BRWD1: variants seen among roughly 807,000 people sequenced by gnomAD.
BRWD1 encodes the protein bromodomain and WD repeat-containing protein 1.
In BRWD1, 82 loss-of-function variants were observed where a neutral mutation model predicts 251.2. The ratio of observed to expected loss-of-function variants is 0.33; its 90% CI spans 0.27 to 0.39. The LOEUF (loss-of-function observed/expected upper bound fraction) is 0.39. Ranked by LOEUF, BRWD1 falls within the 10% of genes least tolerant of loss-of-function variation. The probability of loss-of-function intolerance (pLI) is 1.00; values close to 1 mark genes in which losing one functional copy is unlikely to be tolerated. For missense variants in BRWD1, 2,233 were observed against 2,711.6 expected (o/e 0.82, Z 3.92); for synonymous variants, 918 against 902.8 (o/e 1.02, Z -0.30).
At position 39,196,397 on chromosome 21, in the gene BRWD1, G is replaced by A. The variant is rs368229674; in HGVS notation, c.6672C>T (p.Asp2224=). ...SVDDNDWEDL[D]YAKSKRVLRR... is the part of the protein sequence containing the mutation. ...GAAGAACTCTTTTAGATTTTGCATA[G>A]TCCAAATCCTCCCAGTCATTATCAT... is the stretch of plus-strand genomic sequence containing the variant. The change falls in exon 41 of 41, where the codon GAC becomes GAT. Residue 2224 remains aspartate, a synonymous_variant. Transcript: ENST00000342449. 2 of 1,613,740 alleles carry A rather than the reference G, an allele frequency of 1.2e-6. No individual in the cohort carries two copies. The highest frequency in any genetic ancestry group is 1.7e-6 in the Non-Finnish European group (2 of 1,179,740).
intron 21 of BRWD1, among the ~76,000 whole-genome samples, chr21:39,241,669 T>A (rs2034008644): frequency 6.6e-6 from 1 of 152,110 alleles, no homozygotes; most frequent in South Asian, 2.1e-4. Context: ...ATAATATGTA[T>A]ACACAGGCAT....
At position 39,191,529 on chromosome 21, in the gene BRWD1, T is replaced by G; in HGVS notation, c.*4730A>C. 2.0e-6 allele frequency: 2 copies of G among 980,740 alleles called. No individual in the cohort carries two copies. The highest frequency in any genetic ancestry group is 2.4e-6 in the Non-Finnish European group (2 of 825,740). The allele number at this position is 980,740 out of a possible 1,614,324, so 60.8% of individuals were successfully genotyped here. ...AGAACATTAACGATCTTATGTGAAG[T>G]GGAAAACTAAAGATCTGCTTGACAG... On this transcript the variant is annotated 3_prime_UTR_variant, in exon 41 of 41. Transcript: ENST00000342449.
At chr21:39,282,174 C>T (rs1346351766) in intron 8 of BRWD1, among the ~76,000 whole-genome samples, 2 of 152,034 alleles carry the variant, frequency 1.3e-5, no homozygotes, top group Non-Finnish European at 2.9e-5. Flanking sequence ...ACCCAGGAGG[C>T]TGAGGTTGCA....
intron 36 of BRWD1, among the ~76,000 whole-genome samples, chr21:39,207,080 GA>G (rs2032428058): frequency 6.6e-6 from 1 of 152,158 alleles, no homozygotes; most frequent in Admixed American, 6.5e-5. Context: ...AAATGAATGT[GA>G]AATTTGTTAT....
At chr21:39,220,611 A>G (rs2146523868) in intron 29 of BRWD1, among the ~76,000 whole-genome samples, 1 of 152,340 alleles carries the variant, frequency 6.6e-6, no homozygotes, top group East Asian at 1.9e-4. Flanking sequence ...ATTAGGAAAT[A>G]CCCATAATGA....
chr21:39,315,153 C>G (rs535307738), upstream of BRWD1, among the ~76,000 whole-genome samples: 1 of 151,994 alleles, frequency 6.6e-6, no homozygotes, highest in Non-Finnish European at 1.5e-5. Flanking sequence ...AGCGCCACCA[C>G]GTCCGGCTAA....
chr21:39,253,986 G>A (rs1417386234), intron 19 of BRWD1, among the ~76,000 whole-genome samples: 1 of 152,162 alleles, frequency 6.6e-6, no homozygotes, highest in Non-Finnish European at 1.5e-5. Flanking sequence ...CATTTCTTAG[G>A]CTGGGCGTAG....
At chr21:39,280,287 T>C in intron 8 of BRWD1, 39 bp from the exon 9 acceptor site, 2 of 1,473,658 alleles carry the variant, frequency 1.4e-6, no homozygotes, top group South Asian at 1.2e-5. Context: ...TTCCAGAACT[T>C]CTACTTAAGT....
chr21:39,205,994 C>T, intron 37 of BRWD1, 114 bp downstream of exon 37: 1 of 1,039,736 alleles, frequency 9.6e-7, no homozygotes. Flanking sequence ...GCAGGAAAAT[C>T]ACTTGAACCC....
chr21:39,282,470 T>C (rs1213277670), intron 8 of BRWD1, among the ~76,000 whole-genome samples: 1 of 152,184 alleles, frequency 6.6e-6, no homozygotes, highest in African/African-American at 2.4e-5. Flanking sequence ...AGTAGTATAA[T>C]TAAAGTTATA....
chr21:39,210,569 G>A (rs1453067165), intron 35 of BRWD1, among the ~76,000 whole-genome samples: 1 of 152,222 alleles, frequency 6.6e-6, no homozygotes, highest in East Asian at 1.9e-4. Context: ...ATGTAATACT[G>A]ATTATCTAAG....
In BRWD1 at chr21:39,208,978, C is replaced by CAA. The variant is rs11401609; in HGVS notation, c.4197+1015_4197+1016dup. 6.6e-3 allele frequency among the ~76,000 whole-genome samples: 892 copies of CAA among 136,020 alleles called. 4 individuals carry two copies. The highest frequency in any genetic ancestry group is 0.012 in the African/African-American group (445 of 36,252). The allele number at this position is 136,020 out of a possible 152,430, so 89.2% of individuals were successfully genotyped here. ...AAAAATTCTTAAGTTTACAAAATGA[C>CAA]AAAAAAAAAAAAAGAAAGAAAGAAA... is the stretch of plus-strand genomic sequence containing the variant. On this transcript the variant is annotated intron_variant, in intron 36 of 40. Coordinates refer to ENST00000342449, the MANE Select transcript of BRWD1 (RefSeq NM_033656.4).
intron 2 of BRWD1, 50 bp downstream of exon 2, chr21:39,313,191 G>A (rs1370442076): frequency 6.0e-6 from 9 of 1,508,842 alleles, no homozygotes; most frequent in African/African-American, 5.8e-5. Flanking sequence ...CCCCGGCGGC[G>A]GGGACACTGG....
At chr21:39,305,857 T>C (rs12483559) in intron 4 of BRWD1, among the ~76,000 whole-genome samples, 70,906 of 131,838 alleles carry the variant, frequency 0.54, 17,554 homozygotes, top group Admixed American at 0.6. Flanking sequence ...TGCAAGACTG[T>C]CTCAAAAAGA....
chr21:39,282,946 C>T (rs1438250151), intron 8 of BRWD1, among the ~76,000 whole-genome samples: 3 of 133,706 alleles, frequency 2.2e-5, no homozygotes, highest in African/African-American at 5.8e-5. Flanking sequence ...GCAACAAGAG[C>T]GGAACTCCGT....
In BRWD1 at chr21:39,198,772, A is replaced by C; in HGVS notation, c.5644T>G (p.Phe1882Val). ...DDDKIEKPNN[F>V]MKDSASQDNG... The stretch of plus-strand genomic sequence containing the variant: ...AAATGTTTTGAATTACCTTTCATAA[A>C]ATTGTTTGGTTTTTCTATTTTGTCA... Residue 1882 changes from phenylalanine to valine, a missense_variant, in exon 40 of 41, where the codon TTT (phenylalanine) becomes GTT (valine). Around this residue, in one of 12 missense-constraint regions of BRWD1, gnomAD observed 928 missense variants for 970.0 expected, o/e 0.96. Transcript: ENST00000342449. 6.3e-7 allele frequency: 1 copy of C among 1,583,584 alleles called. No homozygotes were observed. Among genetic ancestry groups the C allele is most frequent in the Non-Finnish European group, 8.6e-7 (1 of 1,165,122 alleles).
chr21:39,272,495 C>T (rs1451787344), intron 13 of BRWD1, among the ~76,000 whole-genome samples: 1 of 151,334 alleles, frequency 6.6e-6, no homozygotes, highest in Non-Finnish European at 1.5e-5. Flanking sequence ...CCACTGCACT[C>T]CAGCCTGGGC....
rs1472194036 is a variant in BRWD1 at position 39,186,226 on chromosome 21, A to G, written c.*10033T>C. The G allele has an allele frequency of 6.6e-6, 1 of 152,178 alleles. No homozygotes were observed. The highest frequency in any genetic ancestry group is 6.5e-5 in the Admixed American group (1 of 15,288). The allele number at this position is 152,178 out of a possible 1,614,324, so 9.4% of individuals were successfully genotyped here. A position where few individuals can be genotyped will look rare whatever the true frequency, so the allele number is the denominator to read the frequency against. ...CCTCTTAATGAGGCACATTTTTGGC[A>G]TTTCTGTAAATGCTGCTACATACAA... On this transcript the variant is annotated 3_prime_UTR_variant, in exon 41 of 41. Coordinates refer to ENST00000342449, the MANE Select transcript of BRWD1 (RefSeq NM_033656.4).
chr21:39,246,099 C>A (rs76718351), intron 21 of BRWD1, among the ~76,000 whole-genome samples: 4 of 147,492 alleles, frequency 2.7e-5, no homozygotes, highest in Non-Finnish European at 5.9e-5. Context: ...AAAGACACCA[C>A]CAAAGAAGTG....
Sources: gnomAD v4.1 joint callset for allele counts (sites outside exome capture counted in the v4.1 genomes callset) on GRCh38, gnomAD v4.1.1 for gene constraint, gnomAD v4.1.1 regional missense constraint, MANE v1.5 for transcripts, NCBI Gene and HGNC (gene_info 2026-07-23, HGNC 2026-07-21) for gene names.